Variants in SRGAP3 observed in about 807,000 individuals in gnomAD.
The protein encoded by SRGAP3 is SLIT-ROBO Rho GTPase-activating protein 3.
In SRGAP3, 39 loss-of-function variants were observed where a neutral mutation model predicts 121.1. The observed-to-expected ratio is 0.32, with a 90% CI of 0.25 to 0.42. The LOEUF (loss-of-function observed/expected upper bound fraction) is 0.42, where lower values mean the gene tolerates loss of function less well. Among genes scored for constraint, SRGAP3 ranks in the 10% least tolerant of loss-of-function variants. The pLI is 1.00. For synonymous variants in SRGAP3, 601 were observed against 570.0 expected, an observed-to-expected ratio of 1.05 and a Z score of -0.77; for missense variants, 1,213 against 1,470.6, an observed-to-expected ratio of 0.82 and a Z score of 2.86.
chr3:9,316,934 A>G (rs1042145623), intron 3 of SRGAP3, among the ~76,000 whole-genome samples: 3 of 152,158 alleles, frequency 2.0e-5, no homozygotes, highest in African/African-American at 4.8e-5. Context: ...ATTTCAAAGC[A>G]CAAAGGCCTA....
At chr3:9,091,466 C>T (rs1947752952) in intron 3 of SRGAP3, among the ~76,000 whole-genome samples, 1 of 152,182 alleles carries the variant, frequency 6.6e-6, no homozygotes, top group Admixed American at 6.5e-5. Flanking sequence ...CACACTCTGG[C>T]TTGTTTTCTC....
chr3:8,989,588 G>A (rs1941917225), intron 21 of SRGAP3, among the ~76,000 whole-genome samples: 1 of 152,088 alleles, frequency 6.6e-6, no homozygotes, highest in African/African-American at 2.4e-5. Flanking sequence ...CCTTATGTGG[G>A]AGAGAACACT....
intron 1 of SRGAP3, among the ~76,000 whole-genome samples, chr3:9,183,774 AC>A (rs1331247804): frequency 1.6e-5 from 2 of 126,008 alleles, no homozygotes; most frequent in African/African-American, 3.6e-5. Flanking sequence ...GCTAACACAC[AC>A]ACACACACAC....
chr3:9,163,114 A>C (rs1476004012), intron 1 of SRGAP3, among the ~76,000 whole-genome samples: 1 of 152,258 alleles, frequency 6.6e-6, no homozygotes, highest in East Asian at 1.9e-4. Flanking sequence ...GTCAGTGTTC[A>C]ATAAACATGA....
intron 1 of SRGAP3, among the ~76,000 whole-genome samples, chr3:9,188,044 G>C (rs1295339520): frequency 2.6e-5 from 4 of 152,198 alleles, no homozygotes. Context: ...GGATGAGGGG[G>C]TGAGGGGAGA....
chr3:9,135,071 G>C (rs1474177080), intron 1 of SRGAP3, among the ~76,000 whole-genome samples: 1 of 152,152 alleles, frequency 6.6e-6, no homozygotes, highest in Non-Finnish European at 1.5e-5. Flanking sequence ...GTCGCCACTA[G>C]CCACATGTGG....
intron 21 of SRGAP3, among the ~76,000 whole-genome samples, chr3:8,988,209 G>A (rs540268066): frequency 2.6e-5 from 4 of 152,240 alleles, no homozygotes; most frequent in African/African-American, 9.6e-5. Flanking sequence ...TCCCCAATTC[G>A]ATCTTCCCAC....
intron 1 of SRGAP3, among the ~76,000 whole-genome samples, chr3:9,142,595 T>C (rs1460079887): frequency 1.3e-5 from 2 of 152,202 alleles, no homozygotes; most frequent in Non-Finnish European, 2.9e-5. Context: ...AGCTTGTCAC[T>C]TGGCAGCATA....
chr3:9,228,171 G>A (rs1202530799), intron 1 of SRGAP3, among the ~76,000 whole-genome samples: 3 of 152,020 alleles, frequency 2.0e-5, no homozygotes, highest in African/African-American at 7.2e-5. Flanking sequence ...GAAGGGTGTC[G>A]TGGGGACCCA....
Position 9,204,886 on chromosome 3 carries a change from G to A in SRGAP3, c.67+43999C>T, listed in dbSNP as rs116908703. ...GACGCTGAAAACCGCCCTTTGTGGAGGCAGCCAAGAACTGCACGTTAAAGG... is the reference window on the plus strand; with the variant it reads ...GACGCTGAAAACCGCCCTTTGTGGAAGCAGCCAAGAACTGCACGTTAAAGG... On this transcript the variant is annotated intron_variant, in intron 1 of 21. Coordinates refer to ENST00000383836, the MANE Select transcript of SRGAP3 (RefSeq NM_014850.4). Among the ~76,000 whole-genome samples, 164 of 152,336 alleles carry A rather than the reference G, an allele frequency of 1.1e-3. 1 individual carries two copies. In the East Asian group the frequency reaches 0.018, roughly 16 times the overall value.
rs985865791 is a variant in SRGAP3 at position 9,071,211 on chromosome 3, T to A, written c.487-6630A>T. ...TTCTCCCCAAGGGACTCCTCCTCAG[T>A]GGACACCTGTTGTTTTTCTCTGCCC... On this transcript the variant is annotated intron_variant, in intron 4 of 21. Transcript: ENST00000383836. 2.0e-5 allele frequency among the ~76,000 whole-genome samples: 3 copies of A among 152,280 alleles called. No individual in the cohort carries two copies. The East Asian group carries it at 5.8e-4, about 29-fold the overall frequency.
intron 1 of SRGAP3, among the ~76,000 whole-genome samples, chr3:9,353,502 T>C (rs528635706): frequency 3.9e-5 from 6 of 152,380 alleles, no homozygotes; most frequent in South Asian, 2.1e-4. Flanking sequence ...AAATTTCATA[T>C]ACATTCTCTT....
At chr3:9,033,967 A>T (rs147830592) in intron 11 of SRGAP3, 2 of 152,254 alleles carry the variant, frequency 1.3e-5, no homozygotes, top group East Asian at 3.9e-4. Context: ...CTACCCCAGT[A>T]ACCTTTGCCA....
intron 1 of SRGAP3, among the ~76,000 whole-genome samples, chr3:9,331,041 C>T (rs527628381): frequency 3.9e-4 from 60 of 152,274 alleles, no homozygotes; most frequent in African/African-American, 1.2e-3. Context: ...ATGGATTTCA[C>T]CAAAAGATTG....
At chr3:8,987,850 G>C (rs1271873360) in intron 21 of SRGAP3, among the ~76,000 whole-genome samples, 1 of 152,164 alleles carries the variant, frequency 6.6e-6, no homozygotes, top group Non-Finnish European at 1.5e-5. Context: ...GCCCTGCAGT[G>C]ACACAGCCGG....
intron 1 of SRGAP3, among the ~76,000 whole-genome samples, chr3:9,350,434 A>C (rs918967950): frequency 6.6e-6 from 1 of 152,210 alleles, no homozygotes; most frequent in Non-Finnish European, 1.5e-5. Flanking sequence ...AAGGAGAAGA[A>C]GGTTAGAGTA....
At chr3:9,345,985 G>A (rs1955884105) in intron 1 of SRGAP3, among the ~76,000 whole-genome samples, 1 of 151,958 alleles carries the variant, frequency 6.6e-6, no homozygotes, top group African/African-American at 2.4e-5. Flanking sequence ...CCAGCCCAAG[G>A]ACTTTCATTT....
At chr3:9,037,907 C>T (rs1944835859) in intron 11 of SRGAP3, 156 bp downstream of exon 11, 2 of 962,042 alleles carry the variant, frequency 2.1e-6, no homozygotes, top group African/African-American at 1.6e-5. Flanking sequence ...AGCAAAGCAG[C>T]AACTGTGCCT....
chr3:9,013,344 A>G lies in SRGAP3; in HGVS notation c.2111T>C (p.Val704Ala). 1 of 1,614,138 alleles carries G rather than the reference A, an allele frequency of 6.2e-7. No homozygotes were observed. Among genetic ancestry groups the G allele is most frequent in the East Asian group, 2.2e-5 (1 of 44,876 alleles). The part of the protein sequence containing the change: ...FPSPRELEGP[V>A]YEKCMAGGEE... ...CCCTCCAGCCATGCATTTTTCATAC[A>G]CAGGTCCCTCTAGCTCCCGGGGGCT... The change falls in exon 17 of 22, where the codon GTG (valine) becomes GCG (alanine). Residue 704 changes from valine to alanine, a missense_variant. Physicochemically the swap from Val to Ala is moderately conservative, Grantham distance 64. Transcript: ENST00000383836.
Sources: gnomAD v4.1 joint callset for allele counts (sites outside exome capture counted in the v4.1 genomes callset) on GRCh38, gnomAD v4.1.1 for gene constraint, MANE v1.5 for transcripts, NCBI Gene and HGNC (gene_info 2026-07-23, HGNC 2026-07-21) for gene names.